TCTN2: variants seen among roughly 807,000 people sequenced by gnomAD.
TCTN2 encodes tectonic-2.
In TCTN2, 66 loss-of-function variants were observed where a neutral mutation model predicts 83.4. That is an observed-to-expected ratio of 0.79 (90% CI 0.65 to 0.97). The LOEUF (loss-of-function observed/expected upper bound fraction) is 0.97, where lower values mean the gene tolerates loss of function less well. TCTN2 is among the 50% of genes least tolerant of loss of function. TCTN2 has a pLI of 0.00. For missense variants in TCTN2, 794 were observed against 858.1 expected, an observed-to-expected ratio of 0.93 and a Z score of 0.93; for synonymous variants, 301 against 326.7, an observed-to-expected ratio of 0.92 and a Z score of 0.85.
chr12:123,671,801 A>C (rs1184144426), intron 2 of TCTN2, among the ~76,000 whole-genome samples, 187 bp downstream of exon 2: 1 of 152,204 alleles, frequency 6.6e-6, no homozygotes, highest in African/African-American at 2.4e-5. Context: ...GAAAGCCTGA[A>C]ATAATAATGG....
At position 123,699,720 on chromosome 12, in the gene TCTN2, A is replaced by G; in HGVS notation, c.1522A>G (p.Arg508Gly). ...CTCTTGCAGGGAGAATGCTGTTGAAAGACTTGATTCATTAATACAAGCGAC... is the reference window on the plus strand; with the variant it reads ...CTCTTGCAGGGAGAATGCTGTTGAAGGACTTGATTCATTAATACAAGCGAC... ...CTQLRENAVE[R>G]LDSLIQATHV... The change falls in exon 14 of 18, where the codon AGA becomes GGA. Residue 508 changes from arginine to glycine, a missense_variant. Coordinates refer to ENST00000303372, the MANE Select transcript of TCTN2 (RefSeq NM_024809.5). 1 of 1,613,970 alleles carries G rather than the reference A, an allele frequency of 6.2e-7. No homozygotes were observed. Among genetic ancestry groups the G allele is most frequent in the Non-Finnish European group, 8.5e-7 (1 of 1,179,858 alleles).
intron 2 of TCTN2, 152 bp downstream of exon 2, chr12:123,671,766 A>C (rs1361003744): frequency 3.1e-5 from 22 of 700,636 alleles, no homozygotes; most frequent in Non-Finnish European, 4.2e-5. Context: ...CTGTAGGCCA[A>C]AGAGGACAGA....
intron 2 of TCTN2, 82 bp downstream of exon 2, chr12:123,671,696 T>TG: frequency 8.0e-7 from 1 of 1,257,350 alleles, no homozygotes; most frequent in African/African-American, 1.5e-5. Flanking sequence ...GTGGCATCCT[T>TG]GGGGCCCCCT....
intron 8 of TCTN2, among the ~76,000 whole-genome samples, chr12:123,692,035 C>G (rs571478240): frequency 1.3e-5 from 2 of 152,252 alleles, no homozygotes; most frequent in Non-Finnish European, 2.9e-5. Flanking sequence ...GCTGGGATTA[C>G]AGGCACCCAC....
At chr12:123,674,805 C>T (rs1413919026) in intron 4 of TCTN2, among the ~76,000 whole-genome samples, 5 of 152,118 alleles carry the variant, frequency 3.3e-5, no homozygotes, top group African/African-American at 7.2e-5. Flanking sequence ...GTGGGAGGAT[C>T]GCTTGAGCGT....
At chr12:123,701,007 AT>A (rs1195636923) in intron 14 of TCTN2, among the ~76,000 whole-genome samples, 1 of 152,212 alleles carries the variant, frequency 6.6e-6, no homozygotes, top group Admixed American at 6.5e-5. Flanking sequence ...AGGTTTGAAG[AT>A]TGTTAGTGCA....
chr12:123,684,307 T>C (rs1217121627), intron 5 of TCTN2, among the ~76,000 whole-genome samples: 1 of 152,086 alleles, frequency 6.6e-6, no homozygotes, highest in Non-Finnish European at 1.5e-5. Context: ...TAACATAAGA[T>C]CTACCCTCTT....
chr12:123,674,247 G>A (rs754521550), intron 4 of TCTN2, among the ~76,000 whole-genome samples: 1 of 151,732 alleles, frequency 6.6e-6, no homozygotes, highest in Non-Finnish European at 1.5e-5. Flanking sequence ...TTGGGAGAAG[G>A]TGAAATTTGT....
At chr12:123,676,757 T>A (rs1355451708) in intron 4 of TCTN2, among the ~76,000 whole-genome samples, 1 of 152,022 alleles carries the variant, frequency 6.6e-6, no homozygotes, top group Non-Finnish European at 1.5e-5. Flanking sequence ...AGAAAAAGAA[T>A]GGAAGCACAG....
chr12:123,692,720 A>G lies in TCTN2; in HGVS notation c.1096A>G (p.Thr366Ala). 6.2e-7 allele frequency: 1 copy of G among 1,611,430 alleles called. No homozygotes were observed. The highest frequency in any genetic ancestry group is 8.5e-7 in the Non-Finnish European group (1 of 1,177,596). ...TGACCTAGACAAATTCATCACCAAT[A>G]CAGGTATTTAATGTTACACTTTGAC... ...ATDLDKFITN[T>A]ETPLNNGSTP... Residue 366 changes from threonine (T) to alanine (A), a missense_variant, in exon 9 of 18, where the codon ACA (threonine) becomes GCA (alanine). Transcript: ENST00000303372.
chr12:123,673,682 C>G lies in TCTN2; in HGVS notation c.335C>G (p.Ser112Cys). Residue 112 changes from serine (S) to cysteine (C), a missense_variant, in exon 4 of 18, where the codon TCC becomes TGC. Ser to Cys is a moderately radical substitution (Grantham distance 112, BLOSUM62 -1). Coordinates refer to ENST00000303372, the MANE Select transcript of TCTN2 (RefSeq NM_024809.5). ...LDWCSSNETD[S>C]FSESPCILQT... ...TGGTGTTCCTCCAATGAGACAGATT[C>G]CTTCTCAGAGTCCCCCTGTATCCTC... is the stretch of plus-strand genomic sequence containing the variant. 6.2e-7 allele frequency: 1 copy of G among 1,614,198 alleles called. No individual in the cohort carries two copies. Among genetic ancestry groups the G allele is most frequent in the African/African-American group, 1.3e-5 (1 of 75,048 alleles).
intron 17 of TCTN2, 160 bp downstream of exon 17, chr12:123,707,233 C>A (rs891052416): frequency 2.8e-6 from 2 of 703,096 alleles, no homozygotes; most frequent in African/African-American, 1.8e-5. Flanking sequence ...ACTGTTTTGG[C>A]TTAGTTTATT....
chr12:123,674,033 T>C (rs906498929), intron 4 of TCTN2, among the ~76,000 whole-genome samples: 4 of 152,038 alleles, frequency 2.6e-5, no homozygotes, highest in Non-Finnish European at 5.9e-5. Context: ...AAAAGAAAAA[T>C]TTGTGTCAAG....
chr12:123,696,232 A>T, intron 11 of TCTN2, 183 bp from the exon 12 acceptor site: 119 of 566,624 alleles, frequency 2.1e-4, no homozygotes, highest in Middle Eastern at 4.8e-4. Context: ...AATGTGAAGC[A>T]TTCTTTCTCT....
chr12:123,698,838 A>G (rs923819312), intron 13 of TCTN2, among the ~76,000 whole-genome samples: 2 of 152,136 alleles, frequency 1.3e-5, no homozygotes, highest in African/African-American at 4.8e-5. Flanking sequence ...GAAAACTGGT[A>G]TAAATTATTG....
intron 5 of TCTN2, among the ~76,000 whole-genome samples, chr12:123,686,050 T>C (rs1356454680): frequency 1.3e-5 from 2 of 151,802 alleles, no homozygotes; most frequent in Non-Finnish European, 2.9e-5. Context: ...TATTTATTTA[T>C]TTATTTATTT....
At chr12:123,696,610 G>A in intron 12 of TCTN2, 115 bp downstream of exon 12, 1 of 944,270 alleles carries the variant, frequency 1.1e-6, no homozygotes, top group Non-Finnish European at 1.7e-6. Flanking sequence ...GGTTTATTTA[G>A]CAGAGAGGTA....
At chr12:123,700,610 T>C (rs909479581) in intron 14 of TCTN2, among the ~76,000 whole-genome samples, 2 of 152,128 alleles carry the variant, frequency 1.3e-5, no homozygotes, top group Non-Finnish European at 2.9e-5. Flanking sequence ...TTTGTATTTT[T>C]TAAATAGAGA....
rs138205137 is a variant in TCTN2 at position 123,678,172 on chromosome 12, G to A, written c.464-1017G>A. ...GCATAACCCAGCCCCCCATACTCTC[G>A]TGGTCAGACCACATTTGTCCCACCT... On this transcript the variant is annotated intron_variant, in intron 4 of 17. Coordinates refer to ENST00000303372, the MANE Select transcript of TCTN2 (RefSeq NM_024809.5). 3.7e-4 allele frequency among the ~76,000 whole-genome samples: 56 copies of A among 152,240 alleles called. No individual in the cohort carries two copies. In the East Asian group the frequency reaches 9.3e-3, roughly 25 times the overall value.
Sources: gnomAD v4.1 joint callset for allele counts (sites outside exome capture counted in the v4.1 genomes callset) on GRCh38, gnomAD v4.1.1 for gene constraint, MANE v1.5 for transcripts, NCBI Gene and HGNC (gene_info 2026-07-23, HGNC 2026-07-21) for gene names.